The following FSTL5 variants were observed in gnomAD, a reference collection of about 807,000 sequenced individuals.
FSTL5 encodes the protein follistatin-related protein 5.
FSTL5 carries 62 observed loss-of-function variants against 89.1 expected under a neutral mutation model. The observed-to-expected ratio is 0.70, with a 90% CI of 0.57 to 0.86. The LOEUF (loss-of-function observed/expected upper bound fraction) is 0.86. FSTL5 is among the 40% of genes least tolerant of loss of function. The probability of loss-of-function intolerance (pLI) is 0.00; values close to 1 mark genes in which losing one functional copy is unlikely to be tolerated. For synonymous variants in FSTL5, 383 were observed against 346.2 expected, an observed-to-expected ratio of 1.11 and a Z score of -1.18; for missense variants, 1,057 against 1,001.6, an observed-to-expected ratio of 1.06 and a Z score of -0.75.
intron 6 of FSTL5, among the ~76,000 whole-genome samples, chr4:161,734,928 T>C (rs1739735739): frequency 6.6e-6 from 1 of 151,902 alleles, no homozygotes; most frequent in African/African-American, 2.4e-5. Flanking sequence ...CAAGCAACTC[T>C]GTGAACCCCA....
chr4:161,649,396 T>G (rs1736259501), intron 7 of FSTL5, among the ~76,000 whole-genome samples: 1 of 152,106 alleles, frequency 6.6e-6, no homozygotes. Flanking sequence ...AAAAGAAATG[T>G]TCAGCATAAA....
chr4:161,976,541 G>A (rs1218897628), intron 3 of FSTL5, among the ~76,000 whole-genome samples: 1 of 152,080 alleles, frequency 6.6e-6, no homozygotes, highest in Non-Finnish European at 1.5e-5. Context: ...GAGTGCAGTG[G>A]TGCCATCTCG....
intron 4 of FSTL5, among the ~76,000 whole-genome samples, chr4:161,916,052 T>C (rs966173696): frequency 2.6e-5 from 4 of 151,994 alleles, no homozygotes; most frequent in African/African-American, 9.7e-5. Flanking sequence ...GTAAAATAAC[T>C]AATTTAAATA....
intron 4 of FSTL5, among the ~76,000 whole-genome samples, chr4:161,797,238 T>C (rs1192741990): frequency 6.6e-6 from 1 of 151,628 alleles, no homozygotes; most frequent in Admixed American, 6.6e-5. Context: ...TTTCTGAGGG[T>C]TGACTTTTTT....
At chr4:161,688,464 G>T (rs746431558) in intron 6 of FSTL5, among the ~76,000 whole-genome samples, 4 of 152,108 alleles carry the variant, frequency 2.6e-5, no homozygotes, top group Non-Finnish European at 5.9e-5. Flanking sequence ...GGCATTAGTA[G>T]CTATACAGAA....
At chr4:161,424,481 C>T (rs1444732721) in intron 15 of FSTL5, among the ~76,000 whole-genome samples, 7 of 150,318 alleles carry the variant, frequency 4.7e-5, no homozygotes, top group Non-Finnish European at 7.4e-5. Flanking sequence ...AGAAGACTTG[C>T]ATTTTTGTTT....
chr4:162,025,761 A>G (rs1388314457), intron 3 of FSTL5, among the ~76,000 whole-genome samples: 1 of 152,038 alleles, frequency 6.6e-6, no homozygotes, highest in Non-Finnish European at 1.5e-5. Flanking sequence ...ATTTTTTGGC[A>G]TAATAGATAA....
chr4:161,571,733 T>G (rs1011753038), intron 8 of FSTL5, among the ~76,000 whole-genome samples: 1 of 152,160 alleles, frequency 6.6e-6, no homozygotes, highest in African/African-American at 2.4e-5. Flanking sequence ...AGCTAAAGAA[T>G]ATATGGCAAC....
At chr4:162,069,881 ATT>A (rs74958669) in intron 2 of FSTL5, among the ~76,000 whole-genome samples, 7 of 151,550 alleles carry the variant, frequency 4.6e-5, no homozygotes, top group African/African-American at 1.7e-4. Context: ...TGATATACTA[ATT>A]TTTTTTCTTT....
At chr4:162,159,804 A>C (rs921665455) in intron 1 of FSTL5, among the ~76,000 whole-genome samples, 2 of 151,926 alleles carry the variant, frequency 1.3e-5, no homozygotes, top group Admixed American at 6.6e-5. Context: ...GCACACATCC[A>C]TTTTGTTTTT....
chr4:162,098,526 C>A (rs527928822), intron 2 of FSTL5, among the ~76,000 whole-genome samples: 8 of 151,874 alleles, frequency 5.3e-5, no homozygotes, highest in Non-Finnish European at 1.0e-4. Context: ...TCAGTGAAAT[C>A]TCAGTCAAAA....
chr4:161,889,089 T>A (rs1732905377), intron 4 of FSTL5, among the ~76,000 whole-genome samples: 1 of 152,164 alleles, frequency 6.6e-6, no homozygotes, highest in Admixed American at 6.5e-5. Context: ...AAAAATGAAT[T>A]ATTTTTAAAA....
At chr4:161,861,332 G>A (rs946225399) in intron 4 of FSTL5, among the ~76,000 whole-genome samples, 4 of 152,136 alleles carry the variant, frequency 2.6e-5, no homozygotes, top group African/African-American at 4.8e-5. Flanking sequence ...TGAGGCAGGG[G>A]TATCGTTTGA....
At chr4:162,138,128 T>C (rs1377082442) in intron 1 of FSTL5, among the ~76,000 whole-genome samples, 1 of 136,920 alleles carries the variant, frequency 7.3e-6, no homozygotes, top group Non-Finnish European at 1.5e-5. Flanking sequence ...GAAAGTAAAA[T>C]ATATATACAT....
At chr4:161,538,528 T>C (rs1435371870) in intron 9 of FSTL5, among the ~76,000 whole-genome samples, 1 of 152,198 alleles carries the variant, frequency 6.6e-6, no homozygotes, top group Non-Finnish European at 1.5e-5. Flanking sequence ...ATGCATAGTT[T>C]ATGTTTTGTA....
chr4:161,772,434 T>C (rs2126801013), intron 5 of FSTL5, among the ~76,000 whole-genome samples: 1 of 152,204 alleles, frequency 6.6e-6, no homozygotes, highest in South Asian at 2.1e-4. Flanking sequence ...AATATGACTG[T>C]ATACCTACAA....
chr4:161,803,180 T>C (rs959650821), intron 4 of FSTL5, among the ~76,000 whole-genome samples: 13 of 151,920 alleles, frequency 8.6e-5, no homozygotes, highest in African/African-American at 2.7e-4. Context: ...GCTTTGTGAT[T>C]TATCAGTTGG....
chr4:161,712,200 T>C (rs1395492619), intron 6 of FSTL5, among the ~76,000 whole-genome samples: 2 of 152,184 alleles, frequency 1.3e-5, no homozygotes, highest in African/African-American at 4.8e-5. Flanking sequence ...TAGGAATGGA[T>C]GCACAACCCT....
chr4:161,531,649 G>T (rs1052120020), intron 10 of FSTL5, among the ~76,000 whole-genome samples: 1 of 152,080 alleles, frequency 6.6e-6, no homozygotes, highest in African/African-American at 2.4e-5. Flanking sequence ...AAAAGATTTT[G>T]AAATTTATTT....
Sources: allele counts gnomAD v4.1 joint callset (sites outside exome capture counted in the v4.1 genomes callset), GRCh38; gene constraint gnomAD v4.1.1; transcripts MANE v1.5; gene names NCBI Gene and HGNC (gene_info 2026-07-23, HGNC 2026-07-21).